ALS2: variants seen among roughly 807,000 people sequenced by gnomAD.
The protein encoded by ALS2 is alsin Rho guanine nucleotide exchange factor ALS2, also known as alsin.
Under a neutral mutation model 203.4 loss-of-function variants are expected in ALS2, and 117 were observed. That is an observed-to-expected ratio of 0.58 (90% CI 0.50 to 0.67). ALS2 has a LOEUF of 0.67. Among genes scored for constraint, ALS2 ranks in the 30% least tolerant of loss-of-function variants. The pLI is 0.00. For synonymous variants in ALS2, 718 were observed against 725.9 expected (o/e 0.99, Z 0.17); for missense variants, 1,715 against 1,989.4 (o/e 0.86, Z 2.62).
chr2:201,737,320 T>G (rs1246756970), intron 12 of ALS2, among the ~76,000 whole-genome samples: 1 of 152,158 alleles, frequency 6.6e-6, no homozygotes, highest in East Asian at 1.9e-4. Context: ...TTTGGTTTCC[T>G]TTGGGAGGTC....
intron 20 of ALS2, 148 bp downstream of exon 20, chr2:201,725,208 C>A (rs1338730890): frequency 1.4e-6 from 1 of 692,618 alleles, no homozygotes; most frequent in Non-Finnish European, 2.6e-6. Flanking sequence ...AAGATGATCA[C>A]ACAGAGTTTC....
intron 4 of ALS2, chr2:201,759,453 T>C: frequency 9.6e-6 from 9 of 940,664 alleles, no homozygotes; most frequent in Non-Finnish European, 1.1e-5. Context: ...AAACACACAT[T>C]TAATTTAAAT....
At chr2:201,727,678 T>TG in intron 16 of ALS2, 27 bp downstream of exon 16, 3 of 903,002 alleles carry the variant, frequency 3.3e-6, no homozygotes, top group African/African-American at 2.3e-5. Context: ...TTGGACGGGG[T>TG]GGGGTGGGGA....
chr2:201,743,396 C>T (rs1414197696), intron 10 of ALS2, among the ~76,000 whole-genome samples: 2 of 152,160 alleles, frequency 1.3e-5, no homozygotes, highest in Non-Finnish European at 2.9e-5. Context: ...AACCCATTGC[C>T]TCTGTATTAC....
intron 1 of ALS2, among the ~76,000 whole-genome samples, chr2:201,770,577 T>G (rs554767772): frequency 6.6e-6 from 1 of 152,292 alleles, no homozygotes; most frequent in South Asian, 2.1e-4. Flanking sequence ...GCCCAGAACT[T>G]GTGACTATGT....
At position 201,754,637 on chromosome 2, in the gene ALS2, C is replaced by T. The variant is rs771676498; in HGVS notation, c.1506G>A (p.Val502=). 6.2e-7 allele frequency: 1 copy of T among 1,614,170 alleles called. No homozygotes were observed. ...GGGTCAGAACCACTGTCCTCGTTTT[C>T]ACCCGTGCAGCCTTTCTTAAGAGCC... The part of the protein sequence containing the change: ...SPRLLRKAAR[V]KTRTVVLTPT... Residue 502 remains valine (V), a synonymous_variant, in exon 6 of 34, where the codon GTG becomes GTA. Coordinates refer to ENST00000264276, the MANE Select transcript of ALS2 (RefSeq NM_020919.4).
intron 19 of ALS2, among the ~76,000 whole-genome samples, chr2:201,725,976 AATC>A (rs987056483): frequency 2.6e-5 from 4 of 152,232 alleles, no homozygotes; most frequent in Non-Finnish European, 4.4e-5. Flanking sequence ...GCCATAAACT[AATC>A]ATGTAAATAC....
At chr2:201,742,093 T>C (rs1692311989) in intron 10 of ALS2, among the ~76,000 whole-genome samples, 1 of 152,158 alleles carries the variant, frequency 6.6e-6, no homozygotes, top group Non-Finnish European at 1.5e-5. Flanking sequence ...TGGCTTTTTC[T>C]GTTAAAAAAG....
rs1443996697 is a variant in ALS2 at position 201,723,372 on chromosome 2, A to G, written c.3582T>C (p.Phe1194=). 4 of 1,614,178 alleles carry G rather than the reference A, an allele frequency of 2.5e-6. No homozygotes were observed. In the Admixed American group the frequency reaches 6.7e-5, roughly 27 times the overall value. The change falls in exon 22 of 34, where the codon TTT becomes TTC. Residue 1194 remains phenylalanine (F), a synonymous_variant. Transcript: ENST00000264276. The part of the protein sequence containing the change: ...CQGNGVVVTQ[F]GLYYEGNFHL... ...GAAAGTTGCCCTCGTAGTATAATCC[A>G]AACTGGGTAACCACCACACCATTCC... is the stretch of plus-strand genomic sequence containing the variant.
At position 201,761,144 on chromosome 2, in the gene ALS2, C is replaced by T. The variant is rs1693743023; in HGVS notation, c.850G>A (p.Asp284Asn). Reference sequence around the variant, plus strand: ...TTCTCAAATACTTCTTCCTGCCTGTCAAGGGTTTCAGTGGAGGGGCTGAGA... The same window carrying T: ...TTCTCAAATACTTCTTCCTGCCTGTTAAGGGTTTCAGTGGAGGGGCTGAGA... The part of the protein sequence containing the change: ...TALSPSTETL[D>N]RQEEVFENTL... Residue 284 changes from aspartate (D) to asparagine (N), a missense_variant, in exon 4 of 34, where the codon GAC becomes AAC. By Grantham distance (23) the Asp-to-Asn change is conservative. Transcript: ENST00000264276. 9.3e-6 allele frequency: 15 copies of T among 1,614,160 alleles called. No homozygotes were observed. The highest frequency in any genetic ancestry group is 1.2e-5 in the Non-Finnish European group (14 of 1,180,028).
At chr2:201,720,523 C>T (rs6713791) in intron 23 of ALS2, among the ~76,000 whole-genome samples, 296 of 113,434 alleles carry the variant, frequency 2.6e-3, no homozygotes, top group African/African-American at 9.0e-3. Context: ...GGCAACATAG[C>T]GAAACTCTGT....
At chr2:201,726,086 A>T (rs1691145842) in intron 19 of ALS2, among the ~76,000 whole-genome samples, 1 of 152,200 alleles carries the variant, frequency 6.6e-6, no homozygotes, top group African/African-American at 2.4e-5. Flanking sequence ...CCTTTAACAG[A>T]TCACAGAAAT....
At chr2:201,748,695 G>A (rs1038539586) in intron 8 of ALS2, among the ~76,000 whole-genome samples, 1 of 152,126 alleles carries the variant, frequency 6.6e-6, no homozygotes. Context: ...TTACTACTAC[G>A]ATGTTTTATA....
chr2:201,751,652 C>T (rs925200602), intron 7 of ALS2, among the ~76,000 whole-genome samples: 1 of 152,134 alleles, frequency 6.6e-6, no homozygotes, highest in African/African-American at 2.4e-5. Context: ...CTGTTCGGGA[C>T]TGTTGAATTA....
intron 13 of ALS2, among the ~76,000 whole-genome samples, chr2:201,729,707 C>T (rs1326485588): frequency 1.3e-5 from 2 of 151,796 alleles, no homozygotes; most frequent in South Asian, 2.1e-4. Flanking sequence ...GGTAAAACCC[C>T]GTATTCACTA....
chr2:201,749,794 C>CA lies in ALS2; in HGVS notation c.1738-6dup, dbSNP rs1051818923. The CA allele has an allele frequency of 2.5e-5, 40 of 1,612,834 alleles. No homozygotes were observed. Among genetic ancestry groups the CA allele is most frequent in the South Asian group, 4.4e-5 (4 of 91,056 alleles). On this transcript the variant is annotated splice_region_variant and splice_polypyrimidine_tract_variant and intron_variant, in intron 7 of 33. Coordinates refer to ENST00000264276, the MANE Select transcript of ALS2 (RefSeq NM_020919.4). ...ATTGCTACCCCATGAGTAAACCTAT[C>CA]AAAAAAACACAGAAAAGTAGCTAAG...
At chr2:201,760,682 G>C (rs1265571998) in intron 4 of ALS2, 199 bp downstream of exon 4, 1 of 1,391,730 alleles carries the variant, frequency 7.2e-7, no homozygotes, top group Admixed American at 3.2e-5. Context: ...TATCATAAAG[G>C]GCCAGAACAA....
At chr2:201,713,137 T>TC (rs530892512) in intron 25 of ALS2, among the ~76,000 whole-genome samples, 26,558 of 130,020 alleles carry the variant, frequency 0.2, 2,669 homozygotes, top group East Asian at 0.55. Context: ...TCTTTTCTTT[T>TC]TTTTTTTTTT....
Position 201,757,686 on chromosome 2 carries a change from ACCAG to A in ALS2, c.1183_1186del (p.Leu395TrpfsTer10), listed in dbSNP as rs1232542514. ...ACCAACAGCAGATGCACAAGAGACC[ACCAG>A]GCTGTTTAGGGCTGAGGTGCTTGTG... On this transcript the variant is annotated frameshift_variant, in exon 5 of 34. Coordinates refer to ENST00000264276, the MANE Select transcript of ALS2 (RefSeq NM_020919.4). LOFTEE classifies it high-confidence loss of function. 1 of 1,613,976 alleles carries A rather than the reference ACCAG, an allele frequency of 6.2e-7. No homozygotes were observed. Among genetic ancestry groups the A allele is most frequent in the South Asian group, 1.1e-5 (1 of 91,088 alleles).
Sources: allele counts gnomAD v4.1 joint callset (sites outside exome capture counted in the v4.1 genomes callset), GRCh38; gene constraint gnomAD v4.1.1; transcripts MANE v1.5; gene names NCBI Gene and HGNC (gene_info 2026-07-23, HGNC 2026-07-21).